Variants in EPB41L5 observed in about 807,000 individuals in gnomAD.
EPB41L5 encodes the protein band 4.1-like protein 5.
EPB41L5 carries 55 observed loss-of-function variants against 106.6 expected under a neutral mutation model. The observed-to-expected ratio is 0.52, with a 90% CI of 0.42 to 0.65. The LOEUF is 0.65. Among genes scored for constraint, EPB41L5 ranks in the 30% least tolerant of loss-of-function variants. The pLI is 0.00. For missense variants in EPB41L5, 871 were observed against 882.1 expected (o/e 0.99, Z 0.16); for synonymous variants, 297 against 306.7 (o/e 0.97, Z 0.33).
At chr2:120,063,356 A>T (rs1399832626) in intron 3 of EPB41L5, among the ~76,000 whole-genome samples, 4 of 151,834 alleles carry the variant, frequency 2.6e-5, no homozygotes, top group Non-Finnish European at 4.4e-5. Flanking sequence ...AAAAAAAAAA[A>T]AAAAGTGAAT....
In EPB41L5 at chr2:120,071,834, A is replaced by G. The variant is rs574479425; in HGVS notation, c.286-1344A>G. Among the ~76,000 whole-genome samples, 3 of 152,332 alleles carry G rather than the reference A, an allele frequency of 2.0e-5. No homozygotes were observed. In the South Asian group the frequency reaches 6.2e-4, roughly 32 times the overall value. ...CCTAAAACCATAAAAACCCTAGAAG[A>G]AAACCTAGGCAGTACCATGCAGGAC... is the stretch of plus-strand genomic sequence containing the variant. On this transcript the variant is annotated intron_variant, in intron 3 of 24. Coordinates refer to ENST00000263713, the MANE Select transcript of EPB41L5 (RefSeq NM_020909.4).
intron 14 of EPB41L5, among the ~76,000 whole-genome samples, chr2:120,093,717 C>G (rs1038363810): frequency 1.3e-5 from 2 of 152,064 alleles, no homozygotes; most frequent in African/African-American, 2.4e-5. Context: ...ATTTGTGTGT[C>G]TATTCATCAG....
intron 11 of EPB41L5, among the ~76,000 whole-genome samples, chr2:120,087,888 A>C (rs1683170339): frequency 6.6e-6 from 1 of 152,236 alleles, no homozygotes; most frequent in African/African-American, 2.4e-5. Flanking sequence ...TGTGGTTCTT[A>C]ATTGATACAT....
chr2:120,019,199 T>C lies in EPB41L5; in HGVS notation c.115T>C (p.Ser39Pro). 3 of 1,613,972 alleles carry C rather than the reference T, an allele frequency of 1.9e-6. No individual in the cohort carries two copies. Among genetic ancestry groups the C allele is most frequent in the Non-Finnish European group, 2.5e-6 (3 of 1,179,982 alleles). ...CACACATATTCCTGCAGCTGGAGATTCTAAGTCCATCATCACGTGTCGGGT... is the reference window on the plus strand; with the variant it reads ...CACACATATTCCTGCAGCTGGAGATCCTAAGTCCATCATCACGTGTCGGGT... Reference protein sequence around the residue: ...AATHIPAAGDSKSIITCRVSL... With the variant: ...AATHIPAAGDPKSIITCRVSL... The change falls in exon 2 of 25, where the codon TCT (serine) becomes CCT (proline). Residue 39 changes from serine (S) to proline (P), a missense_variant. Physicochemically the swap from Ser to Pro is moderately conservative, Grantham distance 74. Coordinates refer to ENST00000263713, the MANE Select transcript of EPB41L5 (RefSeq NM_020909.4).
chr2:120,151,248 C>T (rs989247553), intron 20 of EPB41L5, among the ~76,000 whole-genome samples: 5 of 151,670 alleles, frequency 3.3e-5, no homozygotes, highest in East Asian at 1.9e-4. Context: ...TGCAGTGAGC[C>T]GAGATCACGC....
intron 18 of EPB41L5, among the ~76,000 whole-genome samples, chr2:120,136,168 T>C (rs569943819): frequency 6.6e-5 from 10 of 150,510 alleles, no homozygotes; most frequent in African/African-American, 2.2e-4. Context: ...TTTTTTTTTT[T>C]ACTATCAGTG....
intron 10 of EPB41L5, among the ~76,000 whole-genome samples, chr2:120,080,558 C>T (rs1682576620): frequency 6.6e-6 from 1 of 152,160 alleles, no homozygotes; most frequent in Admixed American, 6.5e-5. Context: ...AATAGTGCCG[C>T]AGTAAACATA....
chr2:120,167,969 C>A lies in EPB41L5; in HGVS notation c.2097C>A (p.Ile699=). The change falls in exon 24 of 25, where the codon ATC becomes ATA. Residue 699 remains isoleucine, a synonymous_variant. Transcript: ENST00000263713. ...GHGNKDGISL[I]SPPAPFLVDA... Reference sequence around the variant, plus strand: ...GTAATAAAGATGGAATCTCACTGATCTCTCCCCCAGCGCCATTCTTGGTAG... The same window carrying A: ...GTAATAAAGATGGAATCTCACTGATATCTCCCCCAGCGCCATTCTTGGTAG... 6.2e-7 allele frequency: 1 copy of A among 1,614,046 alleles called. No homozygotes were observed. Among genetic ancestry groups the A allele is most frequent in the South Asian group, 1.1e-5 (1 of 91,078 alleles).
intron 18 of EPB41L5, among the ~76,000 whole-genome samples, chr2:120,133,556 A>G (rs1685796323): frequency 6.6e-6 from 1 of 152,216 alleles, no homozygotes; most frequent in South Asian, 2.1e-4. Context: ...CAGAGGCTGC[A>G]TTTAGAACAG....
intron 16 of EPB41L5, among the ~76,000 whole-genome samples, chr2:120,123,646 C>CTTTTTTTTTTTTT (rs869296989): frequency 1.5e-5 from 1 of 68,304 alleles, no homozygotes; most frequent in Non-Finnish European, 2.8e-5. Context: ...GTGTTCGTCC[C>CTTTTTTTTTTTTT]TTTTTTTTTT....
chr2:120,018,152 A>G (rs1192515932), intron 1 of EPB41L5, among the ~76,000 whole-genome samples: 2 of 151,494 alleles, frequency 1.3e-5, no homozygotes, highest in Non-Finnish European at 2.9e-5. Context: ...TTTTTTTAGT[A>G]GAGACGGGGT....
chr2:120,139,105 G>T (rs1207501628), intron 18 of EPB41L5, among the ~76,000 whole-genome samples: 1 of 152,012 alleles, frequency 6.6e-6, no homozygotes, highest in East Asian at 1.9e-4. Context: ...TCAATAAATG[G>T]TGCTAGGAAA....
intron 3 of EPB41L5, among the ~76,000 whole-genome samples, chr2:120,071,129 C>T (rs1681834603): frequency 6.6e-6 from 1 of 152,240 alleles, no homozygotes; most frequent in South Asian, 2.1e-4. Flanking sequence ...TGATAAGTAA[C>T]TTCAGCAAAG....
At chr2:120,164,971 T>C (rs1031290127) in intron 22 of EPB41L5, 61 bp downstream of exon 22, 2 of 1,259,612 alleles carry the variant, frequency 1.6e-6, no homozygotes, top group Non-Finnish European at 2.3e-6. Context: ...ATGTTCCTGC[T>C]AGATTCCAGT....
intron 3 of EPB41L5, among the ~76,000 whole-genome samples, chr2:120,047,763 G>GT (rs1440780205): frequency 6.6e-6 from 1 of 152,200 alleles, no homozygotes; most frequent in East Asian, 1.9e-4. Flanking sequence ...AATGCTTCCA[G>GT]TTTTTGCCCA....
chr2:120,053,474 C>T (rs1680426098), intron 3 of EPB41L5, among the ~76,000 whole-genome samples: 1 of 152,130 alleles, frequency 6.6e-6, no homozygotes, highest in East Asian at 1.9e-4. Flanking sequence ...CCAAAGAAAC[C>T]CTCTTACACG....
chr2:120,153,365 CTT>C (rs1418422150), intron 20 of EPB41L5, among the ~76,000 whole-genome samples: 1 of 152,000 alleles, frequency 6.6e-6, no homozygotes, highest in Non-Finnish European at 1.5e-5. Flanking sequence ...ACTTTAGTCT[CTT>C]TAAATGTATT....
chr2:120,063,340 CAA>C (rs1174086865), intron 3 of EPB41L5, among the ~76,000 whole-genome samples: 38 of 56,032 alleles, frequency 6.8e-4, no homozygotes, highest in African/African-American at 1.5e-3. Flanking sequence ...GACTTTGTCT[CAA>C]AAAAAAAAAA....
At chr2:120,106,460 C>T (rs766784970) in intron 16 of EPB41L5, 21 of 985,096 alleles carry the variant, frequency 2.1e-5, no homozygotes, top group Non-Finnish European at 2.3e-5. Flanking sequence ...AAATTGTCAC[C>T]AACCTATTTA....
Sources: gnomAD v4.1 joint callset for allele counts (sites outside exome capture counted in the v4.1 genomes callset) on GRCh38, gnomAD v4.1.1 for gene constraint, MANE v1.5 for transcripts, NCBI Gene and HGNC (gene_info 2026-07-23, HGNC 2026-07-21) for gene names.